ARHGAP21: variants seen among roughly 807,000 people sequenced by gnomAD.
ARHGAP21 encodes the protein rho GTPase-activating protein 21.
A neutral mutation model predicts 164.6 loss-of-function variants in ARHGAP21; 38 were observed. The observed-to-expected ratio is 0.23, with a 90% confidence interval of 0.18 to 0.30. The LOEUF is 0.30. Ranked by LOEUF, ARHGAP21 falls within the 10% of genes least tolerant of loss-of-function variation. The probability of loss-of-function intolerance (pLI) is 1.00; values close to 1 mark genes in which losing one functional copy is unlikely to be tolerated. For missense variants in ARHGAP21, 1,822 were observed against 2,370.7 expected (o/e 0.77, Z 4.81); for synonymous variants, 766 against 857.9 (o/e 0.89, Z 1.87).
intron 11 of ARHGAP21, 81 bp from the exon 12 acceptor site, chr10:24,604,429 ATTACTCTTTCAATAATAATCTGACAT>A (rs1178493976): frequency 1.1e-6 from 1 of 936,622 alleles, no homozygotes; most frequent in East Asian, 2.7e-5. Context: ...GAATATTACA[ATTACTCTTTCAATAATAATCTGACAT>A]TTCATCATTA....
At position 24,599,900 on chromosome 10, in the gene ARHGAP21, G is replaced by A. The variant is rs572391991; in HGVS notation, c.3132+746C>T. Among the ~76,000 whole-genome samples, 154 of 152,226 alleles carry A rather than the reference G, an allele frequency of 1.0e-3. 1 individual carries two copies. Among genetic ancestry groups the A allele is most frequent in the African/African-American group, 3.6e-3 (148 of 41,542 alleles). On this transcript the variant is annotated intron_variant, in intron 14 of 25. Transcript: ENST00000396432. ...TGTAATGCCAGCACTTTGGGAGGCC[G>A]AGGCGGGCAGATCACAAGGTCAGGA... is the stretch of plus-strand genomic sequence containing the variant.
At chr10:24,677,000 G>A (rs952168307) in intron 2 of ARHGAP21, among the ~76,000 whole-genome samples, 2 of 152,140 alleles carry the variant, frequency 1.3e-5, no homozygotes, top group African/African-American at 2.4e-5. Flanking sequence ...TCAGGAGTTC[G>A]AGATCAGCCT....
intron 4 of ARHGAP21, among the ~76,000 whole-genome samples, chr10:24,641,381 T>A (rs1837002041): frequency 6.6e-6 from 1 of 152,182 alleles, no homozygotes; most frequent in East Asian, 1.9e-4. Flanking sequence ...TCACTCAAAA[T>A]GCTCTCACTT....
intron 2 of ARHGAP21, among the ~76,000 whole-genome samples, chr10:24,677,833 T>G (rs1000206204): frequency 6.6e-6 from 1 of 152,220 alleles, no homozygotes; most frequent in African/African-American, 2.4e-5. Context: ...GAATATTTAT[T>G]GAGGACCTAC....
At chr10:24,607,311 T>C in intron 11 of ARHGAP21, 188 bp downstream of exon 11, 3 of 600,198 alleles carry the variant, frequency 5.0e-6, no homozygotes, top group Non-Finnish European at 8.7e-6. Context: ...CATATTTTTC[T>C]ACCATGTTTG....
chr10:24,717,172 C>G (rs1329944947), intron 2 of ARHGAP21, among the ~76,000 whole-genome samples: 1 of 152,028 alleles, frequency 6.6e-6, no homozygotes, highest in African/African-American at 2.4e-5. Context: ...AAAGGTTTAG[C>G]AAATCAGGAT....
chr10:24,670,687 A>G (rs1840615354), intron 2 of ARHGAP21, among the ~76,000 whole-genome samples: 1 of 152,162 alleles, frequency 6.6e-6, no homozygotes, highest in Non-Finnish European at 1.5e-5. Flanking sequence ...TAGAAATGCA[A>G]TAGAAGGAAT....
intron 24 of ARHGAP21, chr10:24,590,940 TAAAAAAAAA>T (rs901265529): frequency 1.9e-5 from 14 of 739,584 alleles, no homozygotes; most frequent in African/African-American, 2.3e-5. Context: ...AACTGTGAAT[TAAAAAAAAA>T]AAAAAAAAAA....
intron 4 of ARHGAP21, among the ~76,000 whole-genome samples, chr10:24,665,361 C>T (rs1032038213): frequency 9.9e-5 from 15 of 151,588 alleles, no homozygotes; most frequent in African/African-American, 3.6e-4. Context: ...TTTTCAAGAC[C>T]TCAAATGGTT....
intron 4 of ARHGAP21, among the ~76,000 whole-genome samples, chr10:24,636,092 T>C (rs570189580): frequency 5.3e-5 from 8 of 152,314 alleles, no homozygotes; most frequent in African/African-American, 1.9e-4. Flanking sequence ...TCTAAGGTGT[T>C]TGCTAAAAAT....
At chr10:24,721,353 C>G (rs1845910644) in intron 2 of ARHGAP21, among the ~76,000 whole-genome samples, 2 of 152,218 alleles carry the variant, frequency 1.3e-5, no homozygotes, top group South Asian at 2.1e-4. Context: ...AGATCTGCAG[C>G]AACAGCAGCC....
At chr10:24,681,129 A>C (rs1565154112) in intron 2 of ARHGAP21, among the ~76,000 whole-genome samples, 4 of 152,224 alleles carry the variant, frequency 2.6e-5, no homozygotes, top group Admixed American at 2.6e-4. Flanking sequence ...AAAGCAAATA[A>C]AGGTGATAAA....
At chr10:24,592,298 A>C (rs1185247232) in intron 21 of ARHGAP21, among the ~76,000 whole-genome samples, 1 of 151,992 alleles carries the variant, frequency 6.6e-6, no homozygotes, top group Non-Finnish European at 1.5e-5. Flanking sequence ...CGTGGACTCA[A>C]GCAGTTCTCC....
chr10:24,617,921 G>GA (rs1834140799), intron 9 of ARHGAP21, among the ~76,000 whole-genome samples: 1 of 152,066 alleles, frequency 6.6e-6, no homozygotes, highest in African/African-American at 2.4e-5. Context: ...AAAAGAGAAG[G>GA]AAAAAAGCCC....
intron 2 of ARHGAP21, among the ~76,000 whole-genome samples, chr10:24,679,077 G>C (rs1005569994): frequency 1.3e-5 from 2 of 152,124 alleles, no homozygotes; most frequent in Non-Finnish European, 2.9e-5. Context: ...GAACATTCAC[G>C]TACAGGTTTT....
chr10:24,692,967 G>C (rs1461665023), intron 2 of ARHGAP21, among the ~76,000 whole-genome samples: 1 of 151,906 alleles, frequency 6.6e-6, no homozygotes, highest in Non-Finnish European at 1.5e-5. Context: ...CAAAGATAAT[G>C]CTGAGTGAAA....
chr10:24,638,540 G>C (rs917847231), intron 4 of ARHGAP21, among the ~76,000 whole-genome samples: 1 of 152,172 alleles, frequency 6.6e-6, no homozygotes, highest in African/African-American at 2.4e-5. Context: ...TAATTCACCA[G>C]GAAAAGTGAC....
At chr10:24,639,411 T>C (rs892677518) in intron 4 of ARHGAP21, among the ~76,000 whole-genome samples, 1 of 152,124 alleles carries the variant, frequency 6.6e-6, no homozygotes, top group African/African-American at 2.4e-5. Context: ...AAAAAGATAA[T>C]CCAGTAAAGC....
At chr10:24,638,045 T>C (rs1234637435) in intron 4 of ARHGAP21, among the ~76,000 whole-genome samples, 1 of 152,038 alleles carries the variant, frequency 6.6e-6, no homozygotes, top group Non-Finnish European at 1.5e-5. Flanking sequence ...TTTTGTATTT[T>C]TAGTAGAGAT....
Sources: gnomAD v4.1 joint callset for allele counts (sites outside exome capture counted in the v4.1 genomes callset) on GRCh38, gnomAD v4.1.1 for gene constraint, MANE v1.5 for transcripts, NCBI Gene and HGNC (gene_info 2026-07-23, HGNC 2026-07-21) for gene names.